The following TNFSF11 variants were observed in gnomAD, a reference collection of about 807,000 sequenced individuals.
The protein encoded by TNFSF11 is tumor necrosis factor ligand superfamily member 11.
In TNFSF11, 12 loss-of-function variants were observed where a neutral mutation model predicts 32.2. That is an observed-to-expected ratio of 0.37 (90% confidence interval 0.24 to 0.60). TNFSF11 has a LOEUF of 0.60. Among genes scored for constraint, TNFSF11 ranks in the 20% least tolerant of loss-of-function variants. TNFSF11 has a pLI of 0.66. For missense variants in TNFSF11, 345 were observed against 398.0 expected, an observed-to-expected ratio of 0.87 and a Z score of 1.13; for synonymous variants, 172 against 152.1, an observed-to-expected ratio of 1.13 and a Z score of -0.96.
At chr13:42,601,783 C>G (rs758187450) in intron 4 of TNFSF11, among the ~76,000 whole-genome samples, 4 of 152,204 alleles carry the variant, frequency 2.6e-5, no homozygotes, top group African/African-American at 4.8e-5. Flanking sequence ...ACCCGATGAA[C>G]TCTTCCACCT....
In TNFSF11 at chr13:42,596,079, G is replaced by A. The variant is rs73466199; in HGVS notation, c.388-4673G>A. On this transcript the variant is annotated intron_variant, in intron 2 of 4. Coordinates refer to ENST00000398795, the MANE Select transcript of TNFSF11 (RefSeq NM_003701.4). The stretch of plus-strand genomic sequence containing the variant: ...AATCCTGAAAATGAAAAATATTAGG[G>A]GGCTATCAAAAGGTCTGTGTTTGGC... Among the ~76,000 whole-genome samples, 222 of 152,232 alleles carry A rather than the reference G, an allele frequency of 1.5e-3. 1 individual carries two copies. The highest frequency in any genetic ancestry group is 5.2e-3 in the African/African-American group (216 of 41,534).
chr13:42,600,859 T>C (rs1229129620), intron 3 of TNFSF11, 24 bp from the exon 4 acceptor site: 1 of 1,614,104 alleles, frequency 6.2e-7, no homozygotes, highest in Admixed American at 1.7e-5. Context: ...TTGGCTATAA[T>C]AATATGGTTT....
rs1873186589 is a variant in TNFSF11, at chr13:42,574,264, G to A, written c.-40G>A. 1.3e-6 allele frequency: 2 copies of A among 1,542,992 alleles called. No individual in the cohort carries two copies. Among genetic ancestry groups the A allele is most frequent in the South Asian group, 1.2e-5 (1 of 83,798 alleles). On this transcript the variant is annotated 5_prime_UTR_variant, in exon 1 of 5. Coordinates refer to ENST00000398795, the MANE Select transcript of TNFSF11 (RefSeq NM_003701.4). ...CCGCAGACAAGAAGGGGAGGGAGCG[G>A]GAGAGGGAGGAGAGCTCCGAAGCGA... is the stretch of plus-strand genomic sequence containing the variant.
chr13:42,602,834 A>G (rs1260262235), intron 4 of TNFSF11, among the ~76,000 whole-genome samples: 1 of 152,222 alleles, frequency 6.6e-6, no homozygotes, highest in Admixed American at 6.5e-5. Context: ...GGCATATGAT[A>G]AATATTGCAT....
At chr13:42,564,397 G>A (rs564149816) in intron 1 of TNFSF11, among the ~76,000 whole-genome samples, 10 of 152,152 alleles carry the variant, frequency 6.6e-5, no homozygotes, top group South Asian at 2.1e-4. Flanking sequence ...GAGAAACCTC[G>A]TCTCTACTAA....
At chr13:42,605,540 ACC>A (rs1869408301) in intron 4 of TNFSF11, among the ~76,000 whole-genome samples, 1 of 152,168 alleles carries the variant, frequency 6.6e-6, no homozygotes, top group African/African-American at 2.4e-5. Flanking sequence ...ACACCAAAGG[ACC>A]TGAAATATGA....
intron 4 of TNFSF11, among the ~76,000 whole-genome samples, chr13:42,604,661 A>T (rs1424137452): frequency 6.6e-6 from 1 of 152,188 alleles, no homozygotes; most frequent in Non-Finnish European, 1.5e-5. Context: ...AGTTCTTTAG[A>T]GATAAAATTG....
chr13:42,573,522 C>G (rs1361300411), upstream of TNFSF11, among the ~76,000 whole-genome samples: 1 of 152,200 alleles, frequency 6.6e-6, no homozygotes, highest in East Asian at 1.9e-4. Context: ...CCCCTTTACC[C>G]TTTTCTCTGC....
chr13:42,598,535 C>T lies in TNFSF11; in HGVS notation c.388-2217C>T, dbSNP rs941866361. The stretch of plus-strand genomic sequence containing the variant: ...ACAAGAACTGGGAAATAAGAAACTG[C>T]TATCAAGGCATGTCCCTGTTACATG... On this transcript the variant is annotated intron_variant, in intron 2 of 4. Coordinates refer to ENST00000398795, the MANE Select transcript of TNFSF11 (RefSeq NM_003701.4). 1.5e-4 allele frequency among the ~76,000 whole-genome samples: 23 copies of T among 152,334 alleles called. 1 individual carries two copies. The highest frequency in any genetic ancestry group is 1.2e-3 in the East Asian group (6 of 5,186).
intron 4 of TNFSF11, among the ~76,000 whole-genome samples, chr13:42,604,742 G>C (rs918544166): frequency 6.6e-6 from 1 of 152,140 alleles, no homozygotes; most frequent in Non-Finnish European, 1.5e-5. Context: ...ACCAGACTAG[G>C]CTGGGAAGGT....
chr13:42,593,383 A>G (rs1039097374), intron 2 of TNFSF11, among the ~76,000 whole-genome samples: 9 of 152,214 alleles, frequency 5.9e-5, no homozygotes, highest in Non-Finnish European at 1.0e-4. Flanking sequence ...AAGAAGGGAC[A>G]TGTACTTTAG....
intron 1 of TNFSF11, among the ~76,000 whole-genome samples, chr13:42,577,816 C>G (rs1873396992): frequency 6.6e-6 from 1 of 152,112 alleles, no homozygotes; most frequent in African/African-American, 2.4e-5. Flanking sequence ...TTTAACCCTA[C>G]AAATGATTAA....
At chr13:42,592,709 C>T (rs1868555969) in intron 2 of TNFSF11, among the ~76,000 whole-genome samples, 1 of 152,164 alleles carries the variant, frequency 6.6e-6, no homozygotes, top group African/African-American at 2.4e-5. Context: ...AATCTTACCT[C>T]CAATTGTAAT....
chr13:42,598,679 T>C (rs1235704602), intron 2 of TNFSF11, among the ~76,000 whole-genome samples: 5 of 152,146 alleles, frequency 3.3e-5, no homozygotes. Flanking sequence ...GCCCAATGGC[T>C]GGGAAACTGC....
intron 1 of TNFSF11, among the ~76,000 whole-genome samples, chr13:42,576,781 C>T (rs772920426): frequency 2.0e-5 from 3 of 152,144 alleles, no homozygotes; most frequent in Non-Finnish European, 4.4e-5. Flanking sequence ...GAAATATTTA[C>T]AGATAAAACT....
upstream of TNFSF11, among the ~76,000 whole-genome samples, chr13:42,573,984 C>T (rs1873167911): frequency 6.6e-6 from 1 of 152,098 alleles, no homozygotes; most frequent in Non-Finnish European, 1.5e-5. Flanking sequence ...TTGGAGGGCC[C>T]CCATGAAGGA....
chr13:42,562,918 G>A lies in TNFSF11; in HGVS notation c.-347G>A, dbSNP rs1441155795. 2.6e-5 allele frequency: 4 copies of A among 152,404 alleles called. No individual in the cohort carries two copies. The East Asian group carries it at 7.7e-4, about 29-fold the overall frequency. 9.4% of individuals were successfully genotyped at this position (152,404 alleles called of 1,614,324 possible). A position where few individuals can be genotyped will look rare whatever the true frequency, so the allele number is the denominator to read the frequency against. On this transcript the variant is annotated 5_prime_UTR_variant, in exon 1 of 7. Coordinates refer to the TNFSF11 transcript ENST00000358545. Reference sequence around the variant, plus strand: ...TTATTAAAGGGACTCCATCCAAGAAGGTTTCCAGCCAGAGGCAAGCTGTAG... The same window carrying A: ...TTATTAAAGGGACTCCATCCAAGAAAGTTTCCAGCCAGAGGCAAGCTGTAG...
At chr13:42,584,784 G>A (rs1014770382) in intron 2 of TNFSF11, among the ~76,000 whole-genome samples, 1 of 152,142 alleles carries the variant, frequency 6.6e-6, no homozygotes, top group African/African-American at 2.4e-5. Context: ...AGGATGAGTA[G>A]AACTTTATTT....
At chr13:42,570,336 C>G (rs1467824899), upstream of TNFSF11, among the ~76,000 whole-genome samples, 4 of 152,158 alleles carry the variant, frequency 2.6e-5, no homozygotes, top group Non-Finnish European at 1.5e-5. Context: ...GACTTGTATC[C>G]AACCATTCCT....
Sources: gnomAD v4.1 joint callset for allele counts (sites outside exome capture counted in the v4.1 genomes callset) on GRCh38, gnomAD v4.1.1 for gene constraint, MANE v1.5 for transcripts, NCBI Gene and HGNC (gene_info 2026-07-23, HGNC 2026-07-21) for gene names.